The following INTS1 variants were observed in gnomAD, a reference collection of about 807,000 sequenced individuals.
INTS1 encodes integrator complex subunit 1.
In INTS1, 137 loss-of-function variants were observed where a neutral mutation model predicts 241.6. That is an observed-to-expected ratio of 0.57 (90% CI 0.49 to 0.65). The LOEUF is 0.65. INTS1 is among the 30% of genes least tolerant of loss of function. INTS1 has a pLI of 0.00. For synonymous variants in INTS1, 1,692 were observed against 1,337.8 expected (o/e 1.26, Z -5.78); for missense variants, 3,073 against 3,032.2 (o/e 1.01, Z -0.32).
In INTS1 at chr7:1,503,096, CGGAAGGGGCTGGCTTCAGCAGGGT is replaced by C; in HGVS notation, c.130_153del (p.Thr44_Ser51del). On this transcript the variant is annotated inframe_deletion, in exon 3 of 48. Coordinates refer to ENST00000404767, the MANE Select transcript of INTS1 (RefSeq NM_001080453.3). ...TCCCGCTTGCGCTCAGAAGGCAGGCCGGAAGGGGCTGGCTTCAGCAGGGTGGACGCCGTTTTCGATTCATTGGCC... is the reference window on the plus strand; with the variant it reads ...TCCCGCTTGCGCTCAGAAGGCAGGCCGGACGCCGTTTTCGATTCATTGGCC... 1.9e-6 allele frequency: 3 copies of C among 1,610,398 alleles called. No individual in the cohort carries two copies. The highest frequency in any genetic ancestry group is 2.5e-6 in the Non-Finnish European group (3 of 1,177,320).
Position 1,498,821 on chromosome 7 carries a change from G to A in INTS1, c.1169C>T (p.Ser390Phe). 1 of 1,605,964 alleles carries A rather than the reference G, an allele frequency of 6.2e-7. No homozygotes were observed. Among genetic ancestry groups the A allele is most frequent in the Non-Finnish European group, 8.5e-7 (1 of 1,176,776 alleles). The part of the protein sequence containing the change: ...LTRPAQDLLM[S>F]VCMNCNTHGS... The stretch of plus-strand genomic sequence containing the variant: ...GTGCGTGTTGCAGTTCATGCAGACG[G>A]ACATCAGCAGGTCCTGGGCCGGCCG... The change falls in exon 9 of 48, where the codon TCC becomes TTC. Residue 390 changes from serine (S) to phenylalanine (F), a missense_variant. Ser to Phe is a radical substitution (Grantham distance 155). Coordinates refer to ENST00000404767, the MANE Select transcript of INTS1 (RefSeq NM_001080453.3).
Position 1,495,417 on chromosome 7 carries a change from A to G in INTS1, c.1832+16T>C, listed in dbSNP as rs755262607. 2 of 1,603,800 alleles carry G rather than the reference A, an allele frequency of 1.2e-6. No individual in the cohort carries two copies. The highest frequency in any genetic ancestry group is 8.5e-7 in the Non-Finnish European group (1 of 1,175,424). On this transcript the variant is annotated intron_variant, in intron 13 of 47. Coordinates refer to ENST00000404767, the MANE Select transcript of INTS1 (RefSeq NM_001080453.3). ...GTGGGGTGTGGGACAGGGGCTGTAC[A>G]GGGCCCCAGCCGCACCAGTGCACGT...
chr7:1,475,915 C>T (rs1272830436), intron 39 of INTS1, 33 bp downstream of exon 39: 18 of 1,522,802 alleles, frequency 1.2e-5, no homozygotes, highest in East Asian at 2.5e-5. Context: ...GCACCTGGGA[C>T]GGCGGCGGGG....
intron 39 of INTS1, among the ~76,000 whole-genome samples, chr7:1,475,405 T>C (rs1562486635): frequency 1.3e-5 from 2 of 151,790 alleles, no homozygotes. Context: ...AAACTGCACA[T>C]CAAGTGTGAT....
In INTS1 at chr7:1,474,208, G is replaced by A. The variant is rs914393582; in HGVS notation, c.5789C>T (p.Ala1930Val). The A allele has an allele frequency of 1.1e-5, 17 of 1,590,606 alleles. No homozygotes were observed. Among genetic ancestry groups the A allele is most frequent in the South Asian group, 2.2e-5 (2 of 90,090 alleles). The change falls in exon 41 of 48, where the codon GCG becomes GTG. Residue 1930 changes from alanine to valine, a missense_variant. Transcript: ENST00000404767. ...PHVFRSEHQG[A>V]LWDCLLSFIR... is the part of the protein sequence containing the mutation. ...GAAGGACAGAAGGCAGTCCCACAGCGCCCCCTGGTGCTCGCTGCGGAACAC... is the reference window on the plus strand; with the variant it reads ...GAAGGACAGAAGGCAGTCCCACAGCACCCCCTGGTGCTCGCTGCGGAACAC...
In INTS1 at chr7:1,493,056, T is replaced by A; in HGVS notation, c.2119A>T (p.Asn707Tyr). 6.2e-7 allele frequency: 1 copy of A among 1,613,566 alleles called. No homozygotes were observed. The change falls in exon 16 of 48, where the codon AAT becomes TAT. Residue 707 changes from asparagine to tyrosine, a missense_variant. By Grantham distance (143) the Asn-to-Tyr change is moderately radical (BLOSUM62 -2). Coordinates refer to ENST00000404767, the MANE Select transcript of INTS1 (RefSeq NM_001080453.3). This position sits in a 1 kb window ranked among gnomAD's most constrained non-coding sequence, Gnocchi z 5.3. Reference protein sequence around the residue: ...GRTQLIDAVLNLCTYHHPENI... With the variant: ...GRTQLIDAVLYLCTYHHPENI... ...TCAGGGTGATGGTAGGTGCACAGAT[T>A]CAGAACGGCGTCGATCAGCTGGGTC... is the stretch of plus-strand genomic sequence containing the variant.
At chr7:1,498,947 C>CCCCCCCCCCCCCCGG in intron 8 of INTS1, 28 bp downstream of exon 8, 1 of 1,339,466 alleles carries the variant, frequency 7.5e-7, no homozygotes, top group Non-Finnish European at 1.0e-6. Flanking sequence ...CCCCCTGCCC[C>CCCCCCCCCCCCCCGG]GCCCACCCCC....
intron 27 of INTS1, 86 bp downstream of exon 27, chr7:1,482,460 G>C: frequency 1.4e-6 from 2 of 1,382,184 alleles, no homozygotes; most frequent in African/African-American, 1.4e-5. Context: ...GCCACAGCCG[G>C]AGGCTGCCCA....
intron 44 of INTS1, chr7:1,471,853 T>C (rs1781481768): frequency 6.7e-6 from 4 of 598,748 alleles, no homozygotes; most frequent in Non-Finnish European, 1.2e-5. Flanking sequence ...AGGAGAGGGG[T>C]TGACCCCTCA....
At position 1,481,222 on chromosome 7, in the gene INTS1, C is replaced by T. The variant is rs754552585; in HGVS notation, c.3850+120G>A. 2 of 1,152,210 alleles carry T rather than the reference C, an allele frequency of 1.7e-6. No homozygotes were observed. The highest frequency in any genetic ancestry group is 2.5e-6 in the Non-Finnish European group (2 of 791,016). 71.4% of individuals were successfully genotyped at this position (1,152,210 alleles called of 1,614,324 possible). Reference sequence around the variant, plus strand: ...ACAGGTCTAAGCCTGCCCTCGAGTGCCACCCACACCCACCCGACCTCGGAT... The same window carrying T: ...ACAGGTCTAAGCCTGCCCTCGAGTGTCACCCACACCCACCCGACCTCGGAT... On this transcript the variant is annotated intron_variant, in intron 28 of 47. Coordinates refer to ENST00000404767, the MANE Select transcript of INTS1 (RefSeq NM_001080453.3). The surrounding 1 kb of genome is among the most constrained non-coding windows in gnomAD (Gnocchi z 6.8).
Position 1,498,974 on chromosome 7 carries a change from C to A in INTS1, c.1137+1G>T. On this transcript the variant is annotated splice_donor_variant, in intron 8 of 47. Coordinates refer to ENST00000404767, the MANE Select transcript of INTS1 (RefSeq NM_001080453.3). LOFTEE classifies it high-confidence loss of function. Reference sequence around the variant, plus strand: ...CCCACCCCCCCGGGGCGCCCCCGCACCTTGGGGTTCTGCAGCCACATCTCC... The same window carrying A: ...CCCACCCCCCCGGGGCGCCCCCGCAACTTGGGGTTCTGCAGCCACATCTCC... The A allele has an allele frequency of 6.5e-7, 1 of 1,538,552 alleles. No homozygotes were observed. Among genetic ancestry groups the A allele is most frequent in the Non-Finnish European group, 8.7e-7 (1 of 1,144,108 alleles).
At chr7:1,495,089 G>A (rs1443235552) in intron 13 of INTS1, among the ~76,000 whole-genome samples, 196 bp from the exon 14 acceptor site, 6 of 140,426 alleles carry the variant, frequency 4.3e-5, no homozygotes, top group African/African-American at 8.6e-5. Context: ...GCTGCACAGC[G>A]GCCGAACGGG....
chr7:1,483,739 C>T lies in INTS1; in HGVS notation c.3541+3G>A, dbSNP rs200230460. 1.1e-4 allele frequency: 173 copies of T among 1,609,428 alleles called. No homozygotes were observed. Among genetic ancestry groups the T allele is most frequent in the Non-Finnish European group, 1.5e-4 (172 of 1,178,928 alleles). On this transcript the variant is annotated splice_donor_region_variant and intron_variant, in intron 26 of 47. Coordinates refer to ENST00000404767, the MANE Select transcript of INTS1 (RefSeq NM_001080453.3). ...GCCCCTCCCGGGGCCTGTGGCGGCTCACCTCGAGGCGGGCCCAGCGTCAGC... is the reference window on the plus strand; with the variant it reads ...GCCCCTCCCGGGGCCTGTGGCGGCTTACCTCGAGGCGGGCCCAGCGTCAGC...
In INTS1 at chr7:1,504,304, C is replaced by CAGGCCGCGG; in HGVS notation, c.-42+10_-42+18dup. ...GCTCGCCCGGCAATGAGGAAGCGCCCAGGCCGCGGCTCACTTACCTCTGGC... is the reference window on the plus strand; with the variant it reads ...GCTCGCCCGGCAATGAGGAAGCGCCCAGGCCGCGGAGGCCGCGGCTCACTTACCTCTGGC... On this transcript the variant is annotated intron_variant, in intron 1 of 47. Transcript: ENST00000404767. 5.6e-6 allele frequency: 3 copies of CAGGCCGCGG among 538,286 alleles called. No homozygotes were observed. The highest frequency in any genetic ancestry group is 7.4e-4 in the Middle Eastern group (2 of 2,702). 33.3% of individuals were successfully genotyped at this position (538,286 alleles called of 1,614,324 possible).
intron 35 of INTS1, 151 bp downstream of exon 35, chr7:1,477,399 C>T (rs1781773025): frequency 4.5e-6 from 4 of 888,204 alleles, no homozygotes; most frequent in Admixed American, 3.1e-5. Context: ...ACCTACCCTT[C>T]CTCTGGGTTG....
At chr7:1,489,263 C>T (rs1380217597) in intron 18 of INTS1, 81 bp downstream of exon 18, 9 of 1,092,018 alleles carry the variant, frequency 8.2e-6, no homozygotes, top group Non-Finnish European at 1.2e-5. Flanking sequence ...ACCCAGGAGA[C>T]AGCAGGGAAC....
chr7:1,473,707 G>T lies in INTS1; in HGVS notation c.5830-14C>A. Reference sequence around the variant, plus strand: ...CTTCCTGTAATTCTGCAAAGCAAAAGCGGCACCCTCGAGCTGCTCTGCCCC... The same window carrying T: ...CTTCCTGTAATTCTGCAAAGCAAAATCGGCACCCTCGAGCTGCTCTGCCCC... On this transcript the variant is annotated splice_polypyrimidine_tract_variant and intron_variant, in intron 41 of 47. Transcript: ENST00000404767. 6.2e-7 allele frequency: 1 copy of T among 1,612,594 alleles called. No individual in the cohort carries two copies. Among genetic ancestry groups the T allele is most frequent in the Non-Finnish European group, 8.5e-7 (1 of 1,179,660 alleles).
rs897978692 is a variant in INTS1 at position 1,474,321 on chromosome 7, G to A, written c.5676C>T (p.Thr1892=). The change falls in exon 41 of 48, where the codon ACC becomes ACT. Residue 1892 remains threonine, a synonymous_variant. Coordinates refer to ENST00000404767, the MANE Select transcript of INTS1 (RefSeq NM_001080453.3). ...PMIAALLHGR[T]HLNFQEFRQQ... is the part of the protein sequence containing the mutation. Reference sequence around the variant, plus strand: ...GCCGGAACTCCTGGAAGTTGAGGTGGGTGCGGCCGTGCAGGAGCGCCGCGA... The same window carrying A: ...GCCGGAACTCCTGGAAGTTGAGGTGAGTGCGGCCGTGCAGGAGCGCCGCGA... 1.9e-6 allele frequency: 3 copies of A among 1,606,856 alleles called. No individual in the cohort carries two copies. Among genetic ancestry groups the A allele is most frequent in the Non-Finnish European group, 2.5e-6 (3 of 1,178,212 alleles).
chr7:1,496,015 G>C (rs1782833320), intron 12 of INTS1, 141 bp downstream of exon 12: 1 of 651,214 alleles, frequency 1.5e-6, no homozygotes, highest in Non-Finnish European at 2.7e-6. Flanking sequence ...CAGCTTCCAG[G>C]CTCCGTGTCC....
Sources: allele counts gnomAD v4.1 joint callset (sites outside exome capture counted in the v4.1 genomes callset), GRCh38; gene constraint gnomAD v4.1.1; non-coding constraint Gnocchi (gnomAD v3.1); transcripts MANE v1.5; gene names NCBI Gene and HGNC (gene_info 2026-07-23, HGNC 2026-07-21).